The following GRID2 variants were observed in gnomAD, a reference collection of about 807,000 sequenced individuals.
GRID2 encodes glutamate ionotropic receptor delta type subunit 2.
A neutral mutation model predicts 114.8 loss-of-function variants in GRID2; 33 were observed. The ratio of observed to expected loss-of-function variants is 0.29; its 90% CI spans 0.22 to 0.38. The LOEUF (loss-of-function observed/expected upper bound fraction) is 0.38, where lower values mean the gene tolerates loss of function less well. GRID2 is among the 10% of genes least tolerant of loss of function. The probability of loss-of-function intolerance (pLI) is 1.00; values close to 1 mark genes in which losing one functional copy is unlikely to be tolerated. For missense variants in GRID2, 1,184 were observed against 1,257.7 expected, an observed-to-expected ratio of 0.94 and a Z score of 0.89; for synonymous variants, 505 against 449.9, an observed-to-expected ratio of 1.12 and a Z score of -1.55.
chr4:92,528,551 T>C (rs1014875319), intron 1 of GRID2, among the ~76,000 whole-genome samples: 1 of 152,110 alleles, frequency 6.6e-6, no homozygotes, highest in South Asian at 2.1e-4. Flanking sequence ...TTTGTTCATA[T>C]AAGCATTTAG....
intron 8 of GRID2, among the ~76,000 whole-genome samples, chr4:93,378,163 TA>T (rs1373246535): frequency 1.3e-5 from 2 of 152,168 alleles, no homozygotes; most frequent in African/African-American, 4.8e-5. Context: ...ATCCTATTTT[TA>T]TATGCCTGTC....
Position 93,314,327 on chromosome 4 carries a change from A to G in GRID2, c.1245+75837A>G, listed in dbSNP as rs865819006. Among the ~76,000 whole-genome samples, 769 of 130,280 alleles carry G rather than the reference A, an allele frequency of 5.9e-3. 6 individuals are homozygous for G. Among genetic ancestry groups the G allele is most frequent in the African/African-American group, 0.02 (680 of 34,016 alleles). The allele number at this position is 130,280 out of a possible 152,430, so 85.5% of individuals were successfully genotyped here. A position where few individuals can be genotyped will look rare whatever the true frequency, so the allele number is the denominator to read the frequency against. On this transcript the variant is annotated intron_variant, in intron 8 of 15. Coordinates refer to ENST00000282020, the MANE Select transcript of GRID2 (RefSeq NM_001510.4). ...TCAAAAAAAAAAAAAAAAAAAAAAAAAAGAAGAAGAAGAAGAATGAAAAAA... is the reference window on the plus strand; with the variant it reads ...TCAAAAAAAAAAAAAAAAAAAAAAAGAAGAAGAAGAAGAAGAATGAAAAAA...
intron 2 of GRID2, among the ~76,000 whole-genome samples, chr4:93,030,998 C>T (rs531420139): frequency 2.9e-4 from 44 of 150,382 alleles, no homozygotes; most frequent in African/African-American, 8.8e-4. Context: ...ATTAAAAAAT[C>T]CTGCACCCAA....
intron 4 of GRID2, among the ~76,000 whole-genome samples, chr4:93,133,994 G>C (rs1735026839): frequency 6.6e-6 from 1 of 152,134 alleles, no homozygotes; most frequent in East Asian, 1.9e-4. Flanking sequence ...CTTTTAGGGT[G>C]AATAAAATGT....
At chr4:92,630,832 T>C (rs952265517) in intron 2 of GRID2, among the ~76,000 whole-genome samples, 1 of 152,030 alleles carries the variant, frequency 6.6e-6, no homozygotes, top group African/African-American at 2.4e-5. Context: ...CTTACTAAAT[T>C]AGATGGTTTT....
chr4:92,812,470 C>T (rs1158707971), intron 2 of GRID2, among the ~76,000 whole-genome samples: 1 of 152,050 alleles, frequency 6.6e-6, no homozygotes, highest in Non-Finnish European at 1.5e-5. Flanking sequence ...ACAATCAACA[C>T]ATGGATGAAA....
intron 14 of GRID2, among the ~76,000 whole-genome samples, chr4:93,635,222 C>T (rs919322727): frequency 1.2e-4 from 18 of 151,002 alleles, no homozygotes; most frequent in Admixed American, 5.9e-4. Flanking sequence ...ATACCACTAA[C>T]ATCAGCTGGT....
chr4:93,000,987 T>C, intron 2 of GRID2, among the ~76,000 whole-genome samples: 1 of 151,494 alleles, frequency 6.6e-6, no homozygotes, highest in East Asian at 1.9e-4. Context: ...AAAAAAGTAA[T>C]AAGTAGATAA....
At position 93,110,872 on chromosome 4, in the gene GRID2, A is replaced by G. The variant is rs761250317; in HGVS notation, c.654A>G (p.Glu218=). Residue 218 remains glutamate, a synonymous_variant, in exon 4 of 16, where the codon GAA becomes GAG. Coordinates refer to ENST00000282020, the MANE Select transcript of GRID2 (RefSeq NM_001510.4). ...ITTLFDTMRI[E]ELNRYRDTLR... is the part of the protein sequence containing the mutation. Reference sequence around the variant, plus strand: ...CTCTCTTTGACACCATGAGAATAGAAGAACTGAATCGCTATCGAGACACTC... The same window carrying G: ...CTCTCTTTGACACCATGAGAATAGAGGAACTGAATCGCTATCGAGACACTC... The G allele has an allele frequency of 1.2e-5, 19 of 1,612,506 alleles. No homozygotes were observed. The Admixed American group carries it at 2.7e-4, about 23-fold the overall frequency.
intron 1 of GRID2, among the ~76,000 whole-genome samples, chr4:92,323,523 C>T (rs889568481): frequency 5.3e-5 from 8 of 152,048 alleles, no homozygotes; most frequent in African/African-American, 1.9e-4. Flanking sequence ...TGGTAGCCTG[C>T]ATTGGTCTCT....
At chr4:93,435,604 G>T (rs1721007016) in intron 10 of GRID2, among the ~76,000 whole-genome samples, 1 of 152,116 alleles carries the variant, frequency 6.6e-6, no homozygotes, top group Admixed American at 6.6e-5. Flanking sequence ...CTATTCTAAA[G>T]CTTTACAGGT....
intron 2 of GRID2, among the ~76,000 whole-genome samples, chr4:92,800,340 GAAAT>G (rs925737764): frequency 1.6e-4 from 24 of 151,056 alleles, no homozygotes; most frequent in Non-Finnish European, 1.5e-4. Flanking sequence ...AGAAAAAAAA[GAAAT>G]AAACTCAGCA....
At chr4:93,616,457 A>T (rs1741652242) in intron 13 of GRID2, among the ~76,000 whole-genome samples, 1 of 150,330 alleles carries the variant, frequency 6.7e-6, no homozygotes, top group Non-Finnish European at 1.5e-5. Flanking sequence ...TGAGGCAGGA[A>T]AATGGTTTGA....
intron 2 of GRID2, among the ~76,000 whole-genome samples, chr4:93,017,172 T>A (rs1722828937): frequency 6.6e-6 from 1 of 152,170 alleles, no homozygotes; most frequent in African/African-American, 2.4e-5. Flanking sequence ...TTTAAAAAAT[T>A]TGGGCAAAAC....
chr4:93,195,434 T>G (rs757262419), intron 4 of GRID2, among the ~76,000 whole-genome samples: 12 of 152,190 alleles, frequency 7.9e-5, no homozygotes, highest in Non-Finnish European at 1.5e-4. Context: ...GTGGAGAGAC[T>G]GAAACATTTA....
At position 92,590,205 on chromosome 4, in the gene GRID2, G is replaced by T; in HGVS notation, c.163G>T (p.Glu55Ter). ...RTAVGDLNQN[E>*]EILQTEKITF... ...TGCGGTTGGTGACCTTAACCAGAAT[G>T]AGGAGATCTTACAGACTGAGAAAAT... The change falls in exon 2 of 16, where the codon GAG becomes TAG. Residue 55 changes from glutamate (E) to a stop codon, truncating the protein, a stop_gained. Coordinates refer to ENST00000282020, the MANE Select transcript of GRID2 (RefSeq NM_001510.4). LOFTEE classifies it high-confidence loss of function. 2 of 1,611,458 alleles carry T rather than the reference G, an allele frequency of 1.2e-6. No individual in the cohort carries two copies. The highest frequency in any genetic ancestry group is 1.7e-6 in the Non-Finnish European group (2 of 1,177,710).
intron 13 of GRID2, among the ~76,000 whole-genome samples, chr4:93,561,270 A>G (rs532385605): frequency 2.6e-5 from 4 of 152,298 alleles, no homozygotes; most frequent in African/African-American, 9.6e-5. Flanking sequence ...ATTAAAAATA[A>G]AAGAGATTGT....
At chr4:93,398,027 T>C (rs1765503061) in intron 9 of GRID2, among the ~76,000 whole-genome samples, 1 of 151,242 alleles carries the variant, frequency 6.6e-6, no homozygotes, top group South Asian at 2.1e-4. Flanking sequence ...TTTGCATGTA[T>C]TGTCTTATTT....
intron 4 of GRID2, among the ~76,000 whole-genome samples, chr4:93,199,906 A>G (rs1741889875): frequency 6.6e-6 from 1 of 152,244 alleles, no homozygotes; most frequent in Admixed American, 6.5e-5. Flanking sequence ...ACAAGTGAAG[A>G]AAACAAAACT....
Sources: allele counts gnomAD v4.1 joint callset (sites outside exome capture counted in the v4.1 genomes callset), GRCh38; gene constraint gnomAD v4.1.1; transcripts MANE v1.5; gene names NCBI Gene and HGNC (gene_info 2026-07-23, HGNC 2026-07-21).